Variants in TAFA1 observed in about 807,000 individuals in gnomAD.
TAFA1 encodes chemokine-like protein TAFA-1.
Under a neutral mutation model 18.5 loss-of-function variants are expected in TAFA1, and 4 were observed. The observed-to-expected ratio is 0.22, with a 90% confidence interval of 0.11 to 0.49. The LOEUF is 0.49. TAFA1 is among the 20% of genes least tolerant of loss of function. TAFA1 has a pLI of 0.98. For missense variants in TAFA1, 147 were observed against 169.0 expected, an observed-to-expected ratio of 0.87 and a Z score of 0.72; for synonymous variants, 56 against 55.2, an observed-to-expected ratio of 1.01 and a Z score of -0.06.
intron 2 of TAFA1, among the ~76,000 whole-genome samples, chr3:68,341,464 T>C (rs2069082022): frequency 6.6e-6 from 1 of 152,138 alleles, no homozygotes; most frequent in African/African-American, 2.4e-5. Context: ...ACGAGCAATT[T>C]GGGGAGGTTC....
At position 68,148,077 on chromosome 3, in the gene TAFA1, T is replaced by C. The variant is rs147960274; in HGVS notation, c.118+141333T>C. On this transcript the variant is annotated intron_variant, in intron 2 of 4. Transcript: ENST00000478136. ...CCTCTGCTCAGAGTCTCAGTGCTAA[T>C]TGGTTCTGTGTAGAAGAGGCAGGAG... Among the ~76,000 whole-genome samples, 703 of 152,346 alleles carry C rather than the reference T, an allele frequency of 4.6e-3. 3 individuals are homozygous for C. Among genetic ancestry groups the C allele is most frequent in the South Asian group, 8.9e-3 (43 of 4,824 alleles).
chr3:68,432,777 C>A (rs2071201461), intron 3 of TAFA1, among the ~76,000 whole-genome samples: 1 of 151,946 alleles, frequency 6.6e-6, no homozygotes, highest in African/African-American at 2.4e-5. Context: ...CTCACAGTAC[C>A]TCTGGAAATG....
intron 2 of TAFA1, among the ~76,000 whole-genome samples, chr3:68,391,278 T>C (rs1213755258): frequency 6.6e-6 from 1 of 151,942 alleles, no homozygotes; most frequent in African/African-American, 2.4e-5. Context: ...GAAGATCAAC[T>C]TAATGAAATA....
At chr3:68,176,458 G>C (rs1300346382) in intron 2 of TAFA1, among the ~76,000 whole-genome samples, 1 of 152,042 alleles carries the variant, frequency 6.6e-6, no homozygotes, top group African/African-American at 2.4e-5. Flanking sequence ...CTCCAGCCTG[G>C]GTGACAGAGT....
chr3:68,044,347 A>G (rs1705225773), intron 2 of TAFA1, among the ~76,000 whole-genome samples: 1 of 152,212 alleles, frequency 6.6e-6, no homozygotes, highest in Non-Finnish European at 1.5e-5. Flanking sequence ...GTGTCTTACA[A>G]AATGATGATT....
chr3:68,477,274 A>G (rs75061704), intron 3 of TAFA1, among the ~76,000 whole-genome samples: 48 of 152,304 alleles, frequency 3.2e-4, no homozygotes, highest in African/African-American at 1.0e-3. Flanking sequence ...TCATTACTAT[A>G]TAGAATTCCA....
intron 3 of TAFA1, among the ~76,000 whole-genome samples, chr3:68,515,239 A>G (rs954423487): frequency 1.3e-5 from 2 of 152,130 alleles, no homozygotes; most frequent in East Asian, 3.9e-4. Flanking sequence ...GAAGCTGCAA[A>G]ACATTTTATG....
chr3:68,479,505 A>T (rs2106651633), intron 3 of TAFA1, among the ~76,000 whole-genome samples: 1 of 152,164 alleles, frequency 6.6e-6, no homozygotes, highest in South Asian at 2.1e-4. Context: ...TTTACATTAT[A>T]GGCATCTACC....
At chr3:68,059,694 A>T (rs1197053280) in intron 2 of TAFA1, among the ~76,000 whole-genome samples, 1 of 152,200 alleles carries the variant, frequency 6.6e-6, no homozygotes, top group Non-Finnish European at 1.5e-5. Context: ...GCCAATAATG[A>T]ATAGTCTTTA....
intron 2 of TAFA1, among the ~76,000 whole-genome samples, chr3:68,331,856 CTTTTTTTT>C (rs60291932): frequency 1.3e-4 from 10 of 76,198 alleles, no homozygotes; most frequent in East Asian, 4.8e-4. Flanking sequence ...CTTTTCTTTT[CTTTTTTTT>C]TTTTTTTTTT....
chr3:68,510,850 A>G (rs1490057623), intron 3 of TAFA1, among the ~76,000 whole-genome samples: 2 of 152,138 alleles, frequency 1.3e-5, no homozygotes, highest in African/African-American at 4.8e-5. Flanking sequence ...TGGGTTCTGC[A>G]AAAAAATGTA....
rs551373027 is a variant in TAFA1, at chr3:68,397,663, C to A, written c.119-19617C>A. Among the ~76,000 whole-genome samples the A allele has an allele frequency of 2.6e-5, 4 of 152,180 alleles. No homozygotes were observed. In the South Asian group the frequency reaches 8.3e-4, roughly 32 times the overall value. On this transcript the variant is annotated intron_variant, in intron 2 of 4. Transcript: ENST00000478136. ...CTTTATAATAGAATGAGTTATAATC[C>A]TTTGAGTGTATACCCAGTAATGGGA...
intron 2 of TAFA1, among the ~76,000 whole-genome samples, chr3:68,343,614 A>C (rs964189726): frequency 6.6e-6 from 1 of 152,162 alleles, no homozygotes; most frequent in Non-Finnish European, 1.5e-5. Context: ...GGGAAAATAC[A>C]GTGATACTTG....
intron 3 of TAFA1, among the ~76,000 whole-genome samples, chr3:68,538,066 C>T (rs1218931000): frequency 6.6e-6 from 1 of 151,974 alleles, no homozygotes; most frequent in Admixed American, 6.6e-5. Flanking sequence ...AAACAGTTCT[C>T]ATGTGCTAAG....
intron 2 of TAFA1, among the ~76,000 whole-genome samples, chr3:68,358,556 A>G (rs185853754): frequency 1.9e-3 from 283 of 151,960 alleles, no homozygotes; most frequent in African/African-American, 6.4e-3. Flanking sequence ...ATGGTTACAT[A>G]TTATTTCATT....
chr3:68,426,362 G>A (rs952005985), intron 3 of TAFA1, among the ~76,000 whole-genome samples: 3 of 151,586 alleles, frequency 2.0e-5, no homozygotes, highest in African/African-American at 7.3e-5. Flanking sequence ...AAATATTTGG[G>A]TACATGCAGG....
At chr3:68,223,533 AT>A (rs3033749) in intron 2 of TAFA1, among the ~76,000 whole-genome samples, 55,816 of 149,780 alleles carry the variant, frequency 0.37, 10,446 homozygotes, top group Middle Eastern at 0.49. Context: ...TGTTAGGACC[AT>A]TTTTTTTTTT....
chr3:68,130,025 T>C (rs143053941), intron 2 of TAFA1, among the ~76,000 whole-genome samples: 235 of 152,238 alleles, frequency 1.5e-3, no homozygotes, highest in African/African-American at 5.5e-3. Context: ...TATACACAGG[T>C]TTCAGTTTGG....
At chr3:68,064,219 G>A (rs2064643693) in intron 2 of TAFA1, among the ~76,000 whole-genome samples, 1 of 152,188 alleles carries the variant, frequency 6.6e-6, no homozygotes, top group Non-Finnish European at 1.5e-5. Context: ...TGAAAAACCA[G>A]CTGGGAGGAC....
Sources: gnomAD v4.1 joint callset for allele counts (sites outside exome capture counted in the v4.1 genomes callset) on GRCh38, gnomAD v4.1.1 for gene constraint, MANE v1.5 for transcripts, NCBI Gene and HGNC (gene_info 2026-07-23, HGNC 2026-07-21) for gene names.